PLCB1: variants seen among roughly 807,000 people sequenced by gnomAD.
PLCB1 encodes the protein phospholipase C beta 1.
PLCB1 carries 46 observed loss-of-function variants against 161.8 expected under a neutral mutation model. That is an observed-to-expected ratio of 0.28 (90% confidence interval 0.22 to 0.36). The LOEUF is 0.36. PLCB1 is among the 10% of genes least tolerant of loss of function. The probability of loss-of-function intolerance (pLI) is 1.00; values close to 1 mark genes in which losing one functional copy is unlikely to be tolerated. For missense variants in PLCB1, 1,016 were observed against 1,472.5 expected, an observed-to-expected ratio of 0.69 and a Z score of 5.07; for synonymous variants, 517 against 503.7, an observed-to-expected ratio of 1.03 and a Z score of -0.35.
chr20:8,525,819 G>A (rs1181149801), intron 3 of PLCB1, among the ~76,000 whole-genome samples: 1 of 150,428 alleles, frequency 6.6e-6, no homozygotes, highest in African/African-American at 2.4e-5. Context: ...GGATGATGAT[G>A]AGTAGCTCTA....
intron 2 of PLCB1, among the ~76,000 whole-genome samples, chr20:8,335,755 C>T (rs1227042290): frequency 6.6e-6 from 1 of 152,352 alleles, no homozygotes; most frequent in East Asian, 1.9e-4. Flanking sequence ...CTCTTCTTGG[C>T]ATCTCCAGGA....
At chr20:8,556,977 A>T (rs180678311) in intron 3 of PLCB1, among the ~76,000 whole-genome samples, 2,282 of 120,946 alleles carry the variant, frequency 0.019, 37 homozygotes, top group Non-Finnish European at 0.023. Context: ...TTGATAATAA[A>T]TAAATAAAAT....
chr20:8,574,098 AT>A (rs1986604166), intron 3 of PLCB1, among the ~76,000 whole-genome samples: 1 of 152,218 alleles, frequency 6.6e-6, no homozygotes, highest in Admixed American at 6.5e-5. Flanking sequence ...CCAAAGAACA[AT>A]CTTATTTAAA....
intron 2 of PLCB1, among the ~76,000 whole-genome samples, chr20:8,278,332 A>G (rs993581267): frequency 1.4e-5 from 2 of 144,380 alleles, no homozygotes; most frequent in Admixed American, 7.0e-5. Flanking sequence ...TAATGCATTT[A>G]TATATTATAT....
chr20:8,474,566 G>A (rs952840366), intron 3 of PLCB1, among the ~76,000 whole-genome samples: 3 of 152,106 alleles, frequency 2.0e-5, no homozygotes, highest in African/African-American at 7.2e-5. Flanking sequence ...AGCAGAACAT[G>A]CAACATGCTG....
intron 2 of PLCB1, among the ~76,000 whole-genome samples, chr20:8,279,180 G>A (rs910332807): frequency 1.3e-5 from 2 of 151,980 alleles, no homozygotes; most frequent in Non-Finnish European, 2.9e-5. Context: ...TTGAAAGCAG[G>A]GACTCTAACA....
At chr20:8,134,712 T>C (rs2122996918) in intron 1 of PLCB1, among the ~76,000 whole-genome samples, 1 of 152,038 alleles carries the variant, frequency 6.6e-6, no homozygotes, top group East Asian at 1.9e-4. Context: ...GGTGATGCAT[T>C]GAGGGTAATA....
chr20:8,221,924 G>T (rs978123613), intron 2 of PLCB1, among the ~76,000 whole-genome samples: 3 of 151,990 alleles, frequency 2.0e-5, no homozygotes, highest in Non-Finnish European at 4.4e-5. Flanking sequence ...GGAAATTTAG[G>T]TTTCACTTTC....
At chr20:8,137,137 A>G (rs538789070) in intron 1 of PLCB1, among the ~76,000 whole-genome samples, 10 of 152,318 alleles carry the variant, frequency 6.6e-5, no homozygotes, top group Admixed American at 6.5e-4. Flanking sequence ...CAGCTAAAAC[A>G]GGTAATTTAA....
intron 31 of PLCB1, among the ~76,000 whole-genome samples, chr20:8,808,241 G>GGAAGTCTAA (rs1256853596): frequency 6.6e-6 from 1 of 152,172 alleles, no homozygotes; most frequent in Non-Finnish European, 1.5e-5. Flanking sequence ...TCTGGAGTCT[G>GGAAGTCTAA]GAAGTCTAAG....
chr20:8,800,787 G>T (rs1984246634), intron 31 of PLCB1, among the ~76,000 whole-genome samples: 1 of 151,832 alleles, frequency 6.6e-6, no homozygotes, highest in Admixed American at 6.6e-5. Flanking sequence ...TTTCTTATTG[G>T]GTCTGTGTTT....
intron 2 of PLCB1, among the ~76,000 whole-genome samples, chr20:8,233,322 G>T (rs1649404016): frequency 6.6e-6 from 1 of 152,132 alleles, no homozygotes; most frequent in South Asian, 2.1e-4. Flanking sequence ...AAGGGATATG[G>T]AACACAGATA....
chr20:8,727,390 T>A lies in PLCB1; in HGVS notation c.1760T>A (p.Val587Glu). 1 of 1,525,322 alleles carries A rather than the reference T, an allele frequency of 6.6e-7. No homozygotes were observed. Among genetic ancestry groups the A allele is most frequent in the Non-Finnish European group, 9.1e-7 (1 of 1,100,878 alleles). The allele number at this position is 1,525,322 out of a possible 1,614,324, so 94.5% of individuals were successfully genotyped here. A position where few individuals can be genotyped will look rare whatever the true frequency, so the allele number is the denominator to read the frequency against. ...CTCACCAAGTCTCCAGTGGAATTTG[T>A]AGAGTATCCTTGATTTGACGAATGA... ...EQLTKSPVEF[V>E]EYNKMQLSRI... The change falls in exon 17 of 32, where the codon GTA becomes GAA. Residue 587 changes from valine (V) to glutamate (E), a missense_variant. This residue lies in a region of PLCB1 where 67 missense variants were observed against 195.6 expected (regional missense o/e 0.34). Coordinates refer to ENST00000338037, the MANE Select transcript of PLCB1 (RefSeq NM_015192.4).
chr20:8,372,072 G>A (rs1020822336), intron 3 of PLCB1: 3 of 152,180 alleles, frequency 2.0e-5, no homozygotes, highest in Admixed American at 6.5e-5. Flanking sequence ...AGATGATCTG[G>A]TAGGATATAG....
chr20:8,502,466 A>G (rs527999544), intron 3 of PLCB1, among the ~76,000 whole-genome samples: 1 of 152,328 alleles, frequency 6.6e-6, no homozygotes, highest in African/African-American at 2.4e-5. Context: ...GATATCATAT[A>G]TGAAGGAAAT....
chr20:8,807,698 A>G (rs1984606978), intron 31 of PLCB1, among the ~76,000 whole-genome samples: 1 of 152,146 alleles, frequency 6.6e-6, no homozygotes, highest in African/African-American at 2.4e-5. Flanking sequence ...GTGCTATCCA[A>G]TAGAATTTTC....
intron 31 of PLCB1, among the ~76,000 whole-genome samples, chr20:8,867,732 G>A (rs1987478452): frequency 6.6e-6 from 1 of 152,064 alleles, no homozygotes. Context: ...TGTTAAAATT[G>A]CTGAATTTGA....
intron 2 of PLCB1, among the ~76,000 whole-genome samples, chr20:8,258,712 A>G (rs1981544979): frequency 6.6e-6 from 1 of 152,190 alleles, no homozygotes. Context: ...TTACCAACAA[A>G]TACACTAATT....
At chr20:8,452,257 A>T (rs928923174) in intron 3 of PLCB1, among the ~76,000 whole-genome samples, 60 of 152,058 alleles carry the variant, frequency 3.9e-4, no homozygotes, top group African/African-American at 1.3e-3. Flanking sequence ...TTTAATTTTT[A>T]TTCAGCCTCT....
Sources: allele counts gnomAD v4.1 joint callset (sites outside exome capture counted in the v4.1 genomes callset), GRCh38; gene constraint gnomAD v4.1.1; regional missense constraint gnomAD v4.1.1; transcripts MANE v1.5; gene names NCBI Gene and HGNC (gene_info 2026-07-23, HGNC 2026-07-21).